The following GPHN variants were observed in gnomAD, a reference collection of about 807,000 sequenced individuals.
GPHN encodes gephyrin.
In GPHN, 17 loss-of-function variants were observed where a neutral mutation model predicts 95.5. The observed-to-expected ratio is 0.18, with a 90% CI of 0.12 to 0.27. The LOEUF is 0.27. GPHN is among the 10% of genes least tolerant of loss of function. GPHN has a pLI of 1.00. For synonymous variants in GPHN, 320 were observed against 322.5 expected (o/e 0.99, Z 0.08); for missense variants, 660 against 978.1 (o/e 0.67, Z 4.34).
chr14:67,106,800 AT>A (rs1395812659), intron 13 of GPHN, among the ~76,000 whole-genome samples: 1 of 151,858 alleles, frequency 6.6e-6, no homozygotes, highest in Non-Finnish European at 1.5e-5. Context: ...TTATTTTGCA[AT>A]TTCTTTTCCA....
At chr14:66,772,487 G>C (rs1173439912) in intron 2 of GPHN, among the ~76,000 whole-genome samples, 4 of 152,228 alleles carry the variant, frequency 2.6e-5, no homozygotes, top group African/African-American at 9.6e-5. Context: ...TTATTTGGTT[G>C]AGCCCAATAT....
chr14:66,658,131 C>T (rs1347623437), intron 1 of GPHN, among the ~76,000 whole-genome samples: 1 of 152,016 alleles, frequency 6.6e-6, no homozygotes, highest in Non-Finnish European at 1.5e-5. Context: ...GGGTTTATGA[C>T]TTCATTGGTG....
intron 16 of GPHN, among the ~76,000 whole-genome samples, chr14:67,120,170 A>T (rs2078939682): frequency 6.6e-6 from 1 of 151,938 alleles, no homozygotes; most frequent in East Asian, 1.9e-4. Flanking sequence ...ACCATTGATA[A>T]TACCAAAAAT....
chr14:67,155,024 A>G (rs551522721), intron 18 of GPHN, among the ~76,000 whole-genome samples: 1 of 152,294 alleles, frequency 6.6e-6, no homozygotes, highest in South Asian at 2.1e-4. Flanking sequence ...GTGGGGTGAG[A>G]GCTATTAATA....
At chr14:67,343,945 G>C in the GPHN span, among the ~76,000 whole-genome samples, 1 of 152,162 alleles carries the variant, frequency 6.6e-6, no homozygotes, top group African/African-American at 2.4e-5. Flanking sequence ...GTCACATTTG[G>C]TAGGTTTCCA....
intron 2 of GPHN, among the ~76,000 whole-genome samples, chr14:66,721,055 T>G (rs1287319330): frequency 2.0e-5 from 3 of 152,232 alleles, no homozygotes; most frequent in Non-Finnish European, 4.4e-5. Flanking sequence ...CTTATTCTGC[T>G]GTATCTTGGC....
chr14:67,581,944 A>T, the GPHN span: 2 of 909,064 alleles, frequency 2.2e-6, no homozygotes, highest in Non-Finnish European at 1.7e-6. Context: ...AATACAAAAT[A>T]GGCTCATAAA....
the GPHN span, chr14:67,335,834 T>C: frequency 1.3e-5 from 2 of 152,318 alleles, no homozygotes; most frequent in Non-Finnish European, 2.9e-5. Context: ...GCAATTTCTC[T>C]TGCTATTTGC....
chr14:66,515,378 T>C (rs1450617137), intron 1 of GPHN, among the ~76,000 whole-genome samples: 2 of 152,184 alleles, frequency 1.3e-5, no homozygotes, highest in Non-Finnish European at 2.9e-5. Flanking sequence ...TTAGGGTAGA[T>C]GGAGTGAAGT....
At chr14:67,000,783 T>G (rs72730436) in intron 9 of GPHN, among the ~76,000 whole-genome samples, 8,945 of 151,652 alleles carry the variant, frequency 0.059, 317 homozygotes, top group Middle Eastern at 0.083. Flanking sequence ...TAGTAGCTAA[T>G]CCATAGAGAT....
At chr14:66,537,112 C>G (rs2059172285) in intron 1 of GPHN, among the ~76,000 whole-genome samples, 1 of 151,894 alleles carries the variant, frequency 6.6e-6, no homozygotes, top group Non-Finnish European at 1.5e-5. Flanking sequence ...CTTTTTAGTT[C>G]AGCCAATCTA....
intron 2 of GPHN, among the ~76,000 whole-genome samples, chr14:66,684,824 A>G (rs2067235872): frequency 1.3e-5 from 2 of 151,854 alleles, no homozygotes; most frequent in African/African-American, 4.8e-5. Context: ...ATATGTGTAC[A>G]TGTGCCATGT....
At chr14:67,564,914 C>A in the GPHN span, among the ~76,000 whole-genome samples, 1 of 152,152 alleles carries the variant, frequency 6.6e-6, no homozygotes, top group Non-Finnish European at 1.5e-5. Context: ...TGGTCTCGAA[C>A]TCCCAGGCTC....
intron 3 of GPHN, among the ~76,000 whole-genome samples, chr14:66,817,244 T>C (rs1445367653): frequency 6.8e-6 from 1 of 147,416 alleles, no homozygotes; most frequent in Non-Finnish European, 1.5e-5. Context: ...TACATATATA[T>C]ATGACACATG....
the GPHN span, chr14:67,571,312 T>C: frequency 3.0e-5 from 5 of 164,196 alleles, no homozygotes; most frequent in African/African-American, 1.2e-4. Context: ...TAGAGTTTTT[T>C]CCCCCATCTT....
chr14:66,744,784 A>G (rs1341464360), intron 2 of GPHN, among the ~76,000 whole-genome samples: 1 of 151,552 alleles, frequency 6.6e-6, no homozygotes, highest in East Asian at 1.9e-4. Flanking sequence ...TTCCATCTGT[A>G]AAAGGTGCCT....
intron 1 of GPHN, among the ~76,000 whole-genome samples, chr14:66,641,711 T>A (rs971686449): frequency 6.6e-6 from 1 of 151,096 alleles, no homozygotes; most frequent in Non-Finnish European, 1.5e-5. Context: ...AATAAGTGAC[T>A]TAATTTACAA....
intron 9 of GPHN, among the ~76,000 whole-genome samples, chr14:66,977,770 C>G (rs2070358784): frequency 6.6e-6 from 1 of 152,050 alleles, no homozygotes; most frequent in Non-Finnish European, 1.5e-5. Context: ...ATTTTTAAAA[C>G]CAGGAAAATA....
the GPHN span, among the ~76,000 whole-genome samples, chr14:67,604,722 C>CA: frequency 4.2e-3 from 482 of 114,518 alleles, 2 homozygotes; most frequent in African/African-American, 0.014. Context: ...ACAACAACAA[C>CA]AAAAAAAACT....
Sources: gnomAD v4.1 joint callset for allele counts (sites outside exome capture counted in the v4.1 genomes callset) on GRCh38, gnomAD v4.1.1 for gene constraint, MANE v1.5 for transcripts, NCBI Gene and HGNC (gene_info 2026-07-23, HGNC 2026-07-21) for gene names.